ZSWIM2: variants seen among roughly 807,000 people sequenced by gnomAD.
ZSWIM2 encodes the protein zinc finger SWIM-type containing 2, also known as E3 ubiquitin-protein ligase ZSWIM2.
Under a neutral mutation model 48.4 loss-of-function variants are expected in ZSWIM2, and 38 were observed. The ratio of observed to expected loss-of-function variants is 0.79; its 90% confidence interval spans 0.61 to 1.03. The LOEUF (loss-of-function observed/expected upper bound fraction) is 1.03, where lower values mean the gene tolerates loss of function less well. ZSWIM2 is among the 50% of genes least tolerant of loss of function. The probability of loss-of-function intolerance (pLI) is 0.00; values close to 1 mark genes in which losing one functional copy is unlikely to be tolerated. For missense variants in ZSWIM2, 776 were observed against 730.2 expected (o/e 1.06, Z -0.72); for synonymous variants, 240 against 251.3 (o/e 0.96, Z 0.42).
At position 186,849,042 on chromosome 2, in the gene ZSWIM2, C is replaced by G. The variant is rs1319684700; in HGVS notation, c.89G>C (p.Ser30Thr). 1 of 1,614,202 alleles carries G rather than the reference C, an allele frequency of 6.2e-7. No homozygotes were observed. Among genetic ancestry groups the G allele is most frequent in the Admixed American group, 1.7e-5 (1 of 60,028 alleles). The change falls in exon 1 of 9, where the codon AGC (serine) becomes ACC (threonine). Residue 30 changes from serine to threonine, a missense_variant. Physicochemically the swap from Ser to Thr is moderately conservative, Grantham distance 58. Coordinates refer to ENST00000295131, the MANE Select transcript of ZSWIM2 (RefSeq NM_182521.3). ...SWHQDQALSS[S>T]IYLLREMGPT... ...GCCCATCTCTCGTAGGAGGTAGATG[C>G]TGCTACTCAGCGCCTGGTCTTGGTG... is the stretch of plus-strand genomic sequence containing the variant.
intron 3 of ZSWIM2, among the ~76,000 whole-genome samples, chr2:186,842,932 A>C (rs779188553): frequency 6.6e-6 from 1 of 151,560 alleles, no homozygotes; most frequent in African/African-American, 2.4e-5. Context: ...ATTTCCATTG[A>C]AAATATAGTG....
intron 8 of ZSWIM2, among the ~76,000 whole-genome samples, chr2:186,829,386 A>G (rs760808306): frequency 3.9e-5 from 6 of 152,162 alleles, no homozygotes; most frequent in Non-Finnish European, 7.4e-5. Flanking sequence ...TTTCTGTTTC[A>G]TCTTAAGAAT....
chr2:186,847,114 A>T (rs1001728379), intron 2 of ZSWIM2, among the ~76,000 whole-genome samples: 6 of 151,934 alleles, frequency 3.9e-5, no homozygotes, highest in Non-Finnish European at 8.8e-5. Context: ...ATAAGTCCAG[A>T]CTTCACCACT....
Position 186,846,190 on chromosome 2 carries a change from C to T in ZSWIM2, c.243-1433G>A, listed in dbSNP as rs1347453362. ...CAAATGAAACAATCAACAGAGTGAA[C>T]AGACAACCTAAAGAATGTTAAGAAA... On this transcript the variant is annotated intron_variant, in intron 2 of 8. Coordinates refer to ENST00000295131, the MANE Select transcript of ZSWIM2 (RefSeq NM_182521.3). Among the ~76,000 whole-genome samples the T allele has an allele frequency of 4.0e-5, 6 of 151,830 alleles. 1 individual carries two copies. Among genetic ancestry groups the T allele is most frequent in the Non-Finnish European group, 8.8e-5 (6 of 67,804 alleles).
chr2:186,842,240 T>G (rs893671889), intron 3 of ZSWIM2, among the ~76,000 whole-genome samples: 2 of 151,326 alleles, frequency 1.3e-5, no homozygotes, highest in African/African-American at 4.8e-5. Flanking sequence ...TAATTATTTA[T>G]AGTTTTCTTT....
At chr2:186,843,114 C>T (rs966466036) in intron 3 of ZSWIM2, among the ~76,000 whole-genome samples, 21 of 151,494 alleles carry the variant, frequency 1.4e-4, no homozygotes, top group Admixed American at 1.3e-3. Flanking sequence ...TTTCTTTTTA[C>T]TTCTTATAAT....
Position 186,842,956 on chromosome 2 carries a change from C to A in ZSWIM2, c.283+1761G>T, listed in dbSNP as rs541963672. On this transcript the variant is annotated intron_variant, in intron 3 of 8. Coordinates refer to ENST00000295131, the MANE Select transcript of ZSWIM2 (RefSeq NM_182521.3). ...GAAAATATAGTGTCAGAGTTGAGAT[C>A]TACTGTAAGTATAACAAACATGCTA... is the stretch of plus-strand genomic sequence containing the variant. 3.6e-4 allele frequency among the ~76,000 whole-genome samples: 54 copies of A among 151,234 alleles called. No homozygotes were observed. In the South Asian group the frequency reaches 0.011, roughly 31 times the overall value.
At chr2:186,848,442 T>C (rs746081027) in intron 1 of ZSWIM2, among the ~76,000 whole-genome samples, 4 of 152,252 alleles carry the variant, frequency 2.6e-5, no homozygotes, top group Non-Finnish European at 2.9e-5. Context: ...CTGTGGTCTT[T>C]CAGTAAACTT....
intron 1 of ZSWIM2, 131 bp from the exon 2 acceptor site, chr2:186,847,926 G>T: frequency 1.9e-6 from 1 of 530,258 alleles, no homozygotes; most frequent in Non-Finnish European, 3.3e-6. Context: ...GATTCTACTG[G>T]AGAATCTTAA....
In ZSWIM2 at chr2:186,839,184, C is replaced by T. The variant is rs756179013; in HGVS notation, c.284-15G>A. The T allele has an allele frequency of 1.9e-6, 3 of 1,608,024 alleles. No individual in the cohort carries two copies. The highest frequency in any genetic ancestry group is 1.1e-5 in the South Asian group (1 of 90,660). ...TTGTAAAGCAGCTAGTGAGAAATCC[C>T]AAAGTATTAAAATCCAGTCATAAAA... On this transcript the variant is annotated splice_polypyrimidine_tract_variant and intron_variant, in intron 3 of 8. Coordinates refer to ENST00000295131, the MANE Select transcript of ZSWIM2 (RefSeq NM_182521.3).
chr2:186,828,333 A>T lies in ZSWIM2; in HGVS notation c.1553T>A (p.Val518Asp). 1 of 1,613,736 alleles carries T rather than the reference A, an allele frequency of 6.2e-7. No homozygotes were observed. The highest frequency in any genetic ancestry group is 8.5e-7 in the Non-Finnish European group (1 of 1,179,810). Residue 518 changes from valine to aspartate, a missense_variant, in exon 9 of 9, where the codon GTT becomes GAT. Coordinates refer to ENST00000295131, the MANE Select transcript of ZSWIM2 (RefSeq NM_182521.3). Reference sequence around the variant, plus strand: ...AGTGGGACACACAATATTCTTATGAACAATAGGAGGAAGCAGTGTTTGAGA... The same window carrying T: ...AGTGGGACACACAATATTCTTATGATCAATAGGAGGAAGCAGTGTTTGAGA... ...IPSQTLLPPI[V>D]HKNIVCPTAM...
In ZSWIM2 at chr2:186,827,906, A is replaced by C; in HGVS notation, c.*78T>G. The C allele has an allele frequency of 8.2e-7, 1 of 1,217,796 alleles. No homozygotes were observed. The highest frequency in any genetic ancestry group is 2.6e-5 in the East Asian group (1 of 38,964). The allele number at this position is 1,217,796 out of a possible 1,614,324, so 75.4% of individuals were successfully genotyped here. On this transcript the variant is annotated 3_prime_UTR_variant, in exon 9 of 9. Transcript: ENST00000295131. ...GAGAATTTTATATACATTTGTCAAGACTATGTGTGCTTTTTATGTTCTATA... is the reference window on the plus strand; with the variant it reads ...GAGAATTTTATATACATTTGTCAAGCCTATGTGTGCTTTTTATGTTCTATA...
At position 186,827,815 on chromosome 2, in the gene ZSWIM2, T is replaced by A. The variant is rs1313950807; in HGVS notation, c.*169A>T. ...AAGACACCTAATGCTGTAAGTCATA[T>A]AAGTAATAGAATCATTTCCTTTAAG... On this transcript the variant is annotated 3_prime_UTR_variant, in exon 9 of 9. Coordinates refer to ENST00000295131, the MANE Select transcript of ZSWIM2 (RefSeq NM_182521.3). The A allele has an allele frequency of 8.4e-6, 4 of 476,362 alleles. No individual in the cohort carries two copies. Among genetic ancestry groups the A allele is most frequent in the Non-Finnish European group, 1.5e-5 (4 of 274,842 alleles). 29.5% of individuals were successfully genotyped at this position (476,362 alleles called of 1,614,324 possible).
Position 186,837,332 on chromosome 2 carries a change from CTGTT to C in ZSWIM2, c.713_716del (p.Lys238SerfsTer15), listed in dbSNP as rs1198263864. 1 of 1,612,600 alleles carries C rather than the reference CTGTT, an allele frequency of 6.2e-7. No homozygotes were observed. On this transcript the variant is annotated frameshift_variant, in exon 5 of 9. Transcript: ENST00000295131. LOFTEE classifies it high-confidence loss of function. ...TATAACACTTCCCCTCAATTGGAAA[CTGTT>C]TGCAGTTATTACAGGGAATCCCAAG...
rs2105819897 is a variant in ZSWIM2 at position 186,839,047 on chromosome 2, T to C, written c.406A>G (p.Ile136Val). ...ENEHVEEDGY[I>V]KQKEIDSEDI... ...TCTGAATCAATTTCCTTCTGTTTAA[T>C]GTACCCATCTTCTTCAACATGTTCA... Residue 136 changes from isoleucine to valine, a missense_variant, in exon 4 of 9, where the codon ATT becomes GTT. Physicochemically the swap from Ile to Val is conservative, Grantham distance 29. Transcript: ENST00000295131. 6.2e-7 allele frequency: 1 copy of C among 1,611,972 alleles called. No individual in the cohort carries two copies. The highest frequency in any genetic ancestry group is 1.1e-5 in the South Asian group (1 of 90,992).
At chr2:186,835,163 T>C (rs1374938241) in intron 5 of ZSWIM2, among the ~76,000 whole-genome samples, 7 of 152,096 alleles carry the variant, frequency 4.6e-5, no homozygotes, top group Admixed American at 4.6e-4. Context: ...ATAAAAATTA[T>C]ATTATTTTTT....
At chr2:186,841,869 T>G (rs1030283820) in intron 3 of ZSWIM2, among the ~76,000 whole-genome samples, 1 of 151,204 alleles carries the variant, frequency 6.6e-6, no homozygotes, top group Non-Finnish European at 1.5e-5. Context: ...TTTCCTTTAA[T>G]GAGGTTTTAA....
At chr2:186,841,404 A>C (rs1278166752) in intron 3 of ZSWIM2, among the ~76,000 whole-genome samples, 2 of 151,380 alleles carry the variant, frequency 1.3e-5, no homozygotes, top group African/African-American at 4.8e-5. Context: ...CATGAATCCA[A>C]AAAACAAATA....
chr2:186,845,238 T>C (rs1201847735), intron 2 of ZSWIM2, among the ~76,000 whole-genome samples: 4 of 151,620 alleles, frequency 2.6e-5, no homozygotes, highest in African/African-American at 9.6e-5. Flanking sequence ...GGGAAATGCC[T>C]ATTAAATTAT....
Sources: gnomAD v4.1 joint callset for allele counts (sites outside exome capture counted in the v4.1 genomes callset) on GRCh38, gnomAD v4.1.1 for gene constraint, MANE v1.5 for transcripts, NCBI Gene and HGNC (gene_info 2026-07-23, HGNC 2026-07-21) for gene names.